The following CGGBP1 variants were observed in gnomAD, a reference collection of about 807,000 sequenced individuals.
CGGBP1 encodes CGG triplet repeat binding protein 1, also known as CGG triplet repeat-binding protein 1.
In CGGBP1, 4 loss-of-function variants were observed where a neutral mutation model predicts 11.4. The observed-to-expected ratio is 0.35, with a 90% CI of 0.17 to 0.80. The LOEUF is 0.80. CGGBP1 is among the 30% of genes least tolerant of loss of function. The pLI is 0.52. For synonymous variants in CGGBP1, 76 were observed against 74.1 expected (o/e 1.03, Z -0.13); for missense variants, 135 against 202.1 (o/e 0.67, Z 2.01).
intron 2 of CGGBP1, chr3:88,139,842 C>G: frequency 6.3e-7 from 1 of 1,583,012 alleles, no homozygotes; most frequent in Non-Finnish European, 8.6e-7. Flanking sequence ...TTCAGTAATT[C>G]ATAAAATCAA....
At chr3:88,075,804 T>C (rs567765676) in intron 2 of CGGBP1, among the ~76,000 whole-genome samples, 2 of 152,290 alleles carry the variant, frequency 1.3e-5, no homozygotes, top group South Asian at 4.1e-4. Flanking sequence ...TTGTAGTGTC[T>C]TCCGTAATGT....
chr3:88,145,889 AATC>A (rs749285637), intron 1 of CGGBP1, among the ~76,000 whole-genome samples: 6 of 152,182 alleles, frequency 3.9e-5, no homozygotes, highest in Non-Finnish European at 8.8e-5. Flanking sequence ...ACCTGATTAA[AATC>A]ATACAGCTAA....
intron 2 of CGGBP1, chr3:88,138,871 T>G: frequency 8.1e-7 from 1 of 1,232,128 alleles, no homozygotes. Flanking sequence ...ATATTTTTTC[T>G]GGAGCGCTCC....
At chr3:88,117,846 A>G (rs1340413405) in intron 2 of CGGBP1, among the ~76,000 whole-genome samples, 1 of 152,066 alleles carries the variant, frequency 6.6e-6, no homozygotes, top group Non-Finnish European at 1.5e-5. Context: ...GTGATTATAT[A>G]AGGGGAAGTG....
At position 88,055,949 on chromosome 3, in the gene CGGBP1, G is replaced by T; in HGVS notation, c.28C>A (p.Pro10Thr). 6.2e-7 allele frequency: 1 copy of T among 1,613,250 alleles called. No individual in the cohort carries two copies. The change falls in exon 4 of 4, where the codon CCT (proline) becomes ACT (threonine). Residue 10 changes from proline (P) to threonine (T), a missense_variant. Coordinates refer to ENST00000482016, the MANE Select transcript of CGGBP1 (RefSeq NM_001008390.2). The surrounding 1 kb of genome is among the most constrained non-coding windows in gnomAD (Gnocchi z 4.2). Reference sequence around the variant, plus strand: ...GCAGTCTTAGAACGGTTTCGAGCAGGTGGTGCTGTTACTACAAATCGCTCC... The same window carrying T: ...GCAGTCTTAGAACGGTTTCGAGCAGTTGGTGCTGTTACTACAAATCGCTCC... MERFVVTAP[P>T]ARNRSKTALY...
At chr3:88,147,818 G>T (rs1429640190) in intron 1 of CGGBP1, among the ~76,000 whole-genome samples, 2 of 152,156 alleles carry the variant, frequency 1.3e-5, no homozygotes, top group Non-Finnish European at 2.9e-5. Flanking sequence ...GGTAATTTTG[G>T]TTGGCACAGT....
Position 88,055,918 on chromosome 3 carries a change from T to C in CGGBP1, c.59A>G (p.Tyr20Cys). Reference protein sequence around the residue: ...PARNRSKTALYVTPLDRVTEF... With the variant: ...PARNRSKTALCVTPLDRVTEF... ...AGTGACTCGATCCAGGGGAGTCACA[T>C]ACAAAGCAGTCTTAGAACGGTTTCG... Residue 20 changes from tyrosine to cysteine, a missense_variant, in exon 4 of 4, where the codon TAT (tyrosine) becomes TGT (cysteine). By Grantham distance (194) the Tyr-to-Cys change is radical. Coordinates refer to ENST00000482016, the MANE Select transcript of CGGBP1 (RefSeq NM_001008390.2). The surrounding 1 kb of genome is among the most constrained non-coding windows in gnomAD (Gnocchi z 4.2). 6.2e-7 allele frequency: 1 copy of C among 1,614,158 alleles called. No homozygotes were observed. Among genetic ancestry groups the C allele is most frequent in the Non-Finnish European group, 8.5e-7 (1 of 1,180,012 alleles).
chr3:88,130,091 GT>G (rs749725446), intron 2 of CGGBP1, among the ~76,000 whole-genome samples: 21 of 152,152 alleles, frequency 1.4e-4, no homozygotes, highest in Non-Finnish European at 2.2e-4. Flanking sequence ...TGGAGTCTGA[GT>G]TTTTAAAACA....
At chr3:88,131,586 T>C (rs144237190) in intron 2 of CGGBP1, among the ~76,000 whole-genome samples, 170 of 152,256 alleles carry the variant, frequency 1.1e-3, no homozygotes, top group African/African-American at 3.8e-3. Context: ...TTCTACTCTT[T>C]AGGGAAGGAC....
intron 2 of CGGBP1, among the ~76,000 whole-genome samples, chr3:88,103,066 G>A (rs555186524): frequency 2.0e-5 from 3 of 152,138 alleles, no homozygotes; most frequent in East Asian, 3.9e-4. Context: ...TTATAAGTGA[G>A]CACATGTGTT....
chr3:88,093,842 G>A (rs749531979), intron 2 of CGGBP1, among the ~76,000 whole-genome samples: 6 of 152,150 alleles, frequency 3.9e-5, no homozygotes, highest in African/African-American at 1.4e-4. Flanking sequence ...TAATTATAAA[G>A]GTACATTTGT....
At chr3:88,086,365 T>C in intron 2 of CGGBP1, 1 of 1,535,798 alleles carries the variant, frequency 6.5e-7, no homozygotes. Context: ...CCCAGATGAA[T>C]GTGAGCATGT....
chr3:88,139,301 G>T, intron 2 of CGGBP1: 1 of 1,582,634 alleles, frequency 6.3e-7, no homozygotes, highest in Non-Finnish European at 8.6e-7. Flanking sequence ...ATGTCCCAAG[G>T]CATCGTTGTA....
At chr3:88,062,234 A>C (rs1435435673), upstream of CGGBP1, among the ~76,000 whole-genome samples, 3 of 152,192 alleles carry the variant, frequency 2.0e-5, no homozygotes, top group African/African-American at 7.2e-5. Flanking sequence ...CTAACTCTTA[A>C]GCTTCAGACA....
intron 2 of CGGBP1, among the ~76,000 whole-genome samples, chr3:88,125,144 G>T (rs1048274778): frequency 1.3e-5 from 2 of 151,698 alleles, no homozygotes; most frequent in African/African-American, 4.8e-5. Context: ...GAACCTGGGA[G>T]GCAGAGGTTG....
At chr3:88,125,298 A>C (rs529614673) in intron 2 of CGGBP1, among the ~76,000 whole-genome samples, 176 of 152,252 alleles carry the variant, frequency 1.2e-3, no homozygotes, top group Non-Finnish European at 1.9e-3. Context: ...AACTATACAG[A>C]TCTTATAAAT....
chr3:88,085,705 CA>C (rs1164521773), intron 2 of CGGBP1, among the ~76,000 whole-genome samples: 1 of 152,108 alleles, frequency 6.6e-6, no homozygotes, highest in Non-Finnish European at 1.5e-5. Flanking sequence ...TTGACCTACC[CA>C]GATTCATAAA....
In CGGBP1 at chr3:88,054,579, TATCTG is replaced by T. The variant is rs1183181341; in HGVS notation, c.*889_*893del. 2.0e-5 allele frequency: 3 copies of T among 152,266 alleles called. No individual in the cohort carries two copies. The highest frequency in any genetic ancestry group is 7.2e-5 in the African/African-American group (3 of 41,450). 9.4% of individuals were successfully genotyped at this position (152,266 alleles called of 1,614,324 possible). On this transcript the variant is annotated 3_prime_UTR_variant, in exon 4 of 4. Transcript: ENST00000482016. ...AAAATTAATGAATAGAAAGTAATTT[TATCTG>T]ATCTGTCAGCCAAAAAAAAATTACT...
chr3:88,064,899 G>A (rs532868375), intron 2 of CGGBP1, among the ~76,000 whole-genome samples: 2 of 152,338 alleles, frequency 1.3e-5, no homozygotes, highest in South Asian at 2.1e-4. Context: ...GGAAAGTATT[G>A]AGGATAATTT....
Sources: allele counts gnomAD v4.1 joint callset (sites outside exome capture counted in the v4.1 genomes callset), GRCh38; gene constraint gnomAD v4.1.1; non-coding constraint Gnocchi (gnomAD v3.1); transcripts MANE v1.5; gene names NCBI Gene and HGNC (gene_info 2026-07-23, HGNC 2026-07-21).